The following EXOC6B variants were observed in gnomAD, a reference collection of about 807,000 sequenced individuals.
EXOC6B encodes the protein SEC15 homolog B.
Under a neutral mutation model 113.5 loss-of-function variants are expected in EXOC6B, and 54 were observed. The observed-to-expected ratio is 0.48, with a 90% CI of 0.38 to 0.60. EXOC6B has a LOEUF of 0.60. Among genes scored for constraint, EXOC6B ranks in the 20% least tolerant of loss-of-function variants. EXOC6B has a pLI of 0.00. For missense variants in EXOC6B, 797 were observed against 977.5 expected, an observed-to-expected ratio of 0.82 and a Z score of 2.46; for synonymous variants, 357 against 339.0, an observed-to-expected ratio of 1.05 and a Z score of -0.58.
chr2:72,323,320 A>G (rs905591834), intron 20 of EXOC6B, among the ~76,000 whole-genome samples: 1 of 152,230 alleles, frequency 6.6e-6, no homozygotes, highest in Non-Finnish European at 1.5e-5. Context: ...GTGATCATTA[A>G]AAAGTCAGGA....
intron 1 of EXOC6B, among the ~76,000 whole-genome samples, chr2:72,815,227 C>T (rs1418544927): frequency 2.0e-5 from 3 of 151,654 alleles, no homozygotes; most frequent in African/African-American, 7.3e-5. Flanking sequence ...GCGGTGGCTC[C>T]CGCCTGTAAT....
At chr2:72,629,110 A>C (rs1672236251) in intron 6 of EXOC6B, among the ~76,000 whole-genome samples, 1 of 152,206 alleles carries the variant, frequency 6.6e-6, no homozygotes, top group Non-Finnish European at 1.5e-5. Flanking sequence ...CTTCATATGC[A>C]GTAGTATCTT....
chr2:72,341,156 G>A lies in EXOC6B; in HGVS notation c.2123-6136C>T, dbSNP rs557195004. Among the ~76,000 whole-genome samples, 16 of 152,120 alleles carry A rather than the reference G, an allele frequency of 1.1e-4. No homozygotes were observed. In the South Asian group the frequency reaches 1.7e-3, roughly 16 times the overall value. On this transcript the variant is annotated intron_variant, in intron 19 of 21. Coordinates refer to ENST00000272427, the MANE Select transcript of EXOC6B (RefSeq NM_015189.3). Reference sequence around the variant, plus strand: ...CTGTATGATGTAAATTATTCTTTGCGTTTTTATAATTTAAATATGAAACTC... The same window carrying A: ...CTGTATGATGTAAATTATTCTTTGCATTTTTATAATTTAAATATGAAACTC...
At chr2:72,235,302 A>T (rs1008497356) in intron 20 of EXOC6B, among the ~76,000 whole-genome samples, 1 of 152,230 alleles carries the variant, frequency 6.6e-6, no homozygotes, top group Non-Finnish European at 1.5e-5. Flanking sequence ...CAGGAACAGC[A>T]AACCAAATAC....
intron 18 of EXOC6B, among the ~76,000 whole-genome samples, chr2:72,454,966 A>G (rs1697129885): frequency 6.6e-6 from 1 of 152,204 alleles, no homozygotes; most frequent in Non-Finnish European, 1.5e-5. Flanking sequence ...AAATAACGTA[A>G]CTGTTAACTG....
intron 8 of EXOC6B, among the ~76,000 whole-genome samples, chr2:72,520,707 A>G (rs17008225): frequency 0.032 from 4,809 of 152,242 alleles, 239 homozygotes; most frequent in African/African-American, 0.11. Context: ...CAATCTACAA[A>G]CTGATTTCAG....
At chr2:72,686,748 C>T (rs1358523533) in intron 6 of EXOC6B, among the ~76,000 whole-genome samples, 2 of 152,014 alleles carry the variant, frequency 1.3e-5, no homozygotes, top group Non-Finnish European at 2.9e-5. Flanking sequence ...AAGAAGAAGC[C>T]CAGTACAATA....
At chr2:72,623,574 T>C (rs1386677994) in intron 6 of EXOC6B, among the ~76,000 whole-genome samples, 1 of 152,116 alleles carries the variant, frequency 6.6e-6, no homozygotes, top group African/African-American at 2.4e-5. Flanking sequence ...AGTAATCTAT[T>C]ATTTTAACAT....
chr2:72,720,608 C>G (rs1466108637), intron 5 of EXOC6B, among the ~76,000 whole-genome samples: 1 of 151,984 alleles, frequency 6.6e-6, no homozygotes, highest in Non-Finnish European at 1.5e-5. Flanking sequence ...AAAAAATTAG[C>G]CAGGTGTGGT....
At chr2:72,554,425 T>C (rs1703417750) in intron 8 of EXOC6B, among the ~76,000 whole-genome samples, 1 of 152,112 alleles carries the variant, frequency 6.6e-6, no homozygotes, top group Non-Finnish European at 1.5e-5. Flanking sequence ...GGGAGGGAAG[T>C]GATTAGATTA....
At chr2:72,674,777 C>A (rs556674194) in intron 6 of EXOC6B, among the ~76,000 whole-genome samples, 3 of 151,122 alleles carry the variant, frequency 2.0e-5, no homozygotes, top group South Asian at 4.2e-4. Flanking sequence ...CCAGCCTGGG[C>A]GACAGTGTGA....
intron 6 of EXOC6B, among the ~76,000 whole-genome samples, chr2:72,661,814 T>G (rs1675037253): frequency 6.6e-6 from 1 of 152,108 alleles, no homozygotes; most frequent in Non-Finnish European, 1.5e-5. Flanking sequence ...ATTTTAAAGC[T>G]ACAGTAATCA....
chr2:72,643,530 G>A lies in EXOC6B; in HGVS notation c.670-67862C>T, dbSNP rs1370682285. ...TCGCAAGAACAAAAAACCAAACACC[G>A]CATATTCTCACTCATAGGTGGGAAG... On this transcript the variant is annotated intron_variant, in intron 6 of 21. Coordinates refer to ENST00000272427, the MANE Select transcript of EXOC6B (RefSeq NM_015189.3). Among the ~76,000 whole-genome samples, 165 of 147,058 alleles carry A rather than the reference G, an allele frequency of 1.1e-3. 1 individual carries two copies. The highest frequency in any genetic ancestry group is 7.0e-3 in the Middle Eastern group (2 of 286).
At chr2:72,750,715 A>G (rs1268744019) in intron 1 of EXOC6B, among the ~76,000 whole-genome samples, 2 of 152,116 alleles carry the variant, frequency 1.3e-5, no homozygotes, top group Non-Finnish European at 2.9e-5. Context: ...CATACTATCA[A>G]TCTTCTGTGG....
chr2:72,519,058 T>C (rs1463751864), intron 8 of EXOC6B, among the ~76,000 whole-genome samples: 1 of 152,194 alleles, frequency 6.6e-6, no homozygotes, highest in Admixed American at 6.5e-5. Context: ...TCACAGATTC[T>C]GTATTTGTGA....
intron 20 of EXOC6B, among the ~76,000 whole-genome samples, chr2:72,207,695 T>C (rs1458156562): frequency 6.6e-6 from 1 of 152,200 alleles, no homozygotes; most frequent in East Asian, 1.9e-4. Context: ...ACAGTGTTTT[T>C]GAATGGAAGT....
rs185644356 is a variant in EXOC6B at position 72,807,616 on chromosome 2, G to A, written c.113+18182C>T. On this transcript the variant is annotated intron_variant, in intron 1 of 21. Transcript: ENST00000272427. The stretch of plus-strand genomic sequence containing the variant: ...CCTAAGTGTCCATCAACAGATGAAT[G>A]GATAATGAAAATGTGGTACTTATAT... Among the ~76,000 whole-genome samples the A allele has an allele frequency of 4.1e-3, 624 of 152,210 alleles. 3 individuals are homozygous for A. Among genetic ancestry groups the A allele is most frequent in the Non-Finnish European group, 6.6e-3 (449 of 67,986 alleles).
intron 18 of EXOC6B, among the ~76,000 whole-genome samples, chr2:72,461,274 A>G (rs995269154): frequency 6.6e-6 from 1 of 150,452 alleles, no homozygotes; most frequent in Non-Finnish European, 1.5e-5. Flanking sequence ...CGAGTTAATG[A>G]GTGCAGCACA....
intron 20 of EXOC6B, among the ~76,000 whole-genome samples, chr2:72,279,751 C>G (rs1189281606): frequency 6.6e-6 from 1 of 151,918 alleles, no homozygotes; most frequent in Non-Finnish European, 1.5e-5. Flanking sequence ...GTAGCTGGGA[C>G]TACAGACATG....
Sources: allele counts gnomAD v4.1 joint callset (sites outside exome capture counted in the v4.1 genomes callset), GRCh38; gene constraint gnomAD v4.1.1; transcripts MANE v1.5; gene names NCBI Gene and HGNC (gene_info 2026-07-23, HGNC 2026-07-21).